Variants in STARD7 observed in about 807,000 individuals in gnomAD.
The protein encoded by STARD7 is stAR-related lipid transfer protein 7, mitochondrial.
A neutral mutation model predicts 45.3 loss-of-function variants in STARD7; 30 were observed. That is an observed-to-expected ratio of 0.66 (90% CI 0.50 to 0.90). The LOEUF (loss-of-function observed/expected upper bound fraction) is 0.90. STARD7 is among the 40% of genes least tolerant of loss of function. The probability of loss-of-function intolerance (pLI) is 0.00; values close to 1 mark genes in which losing one functional copy is unlikely to be tolerated. For synonymous variants in STARD7, 199 were observed against 183.0 expected, an observed-to-expected ratio of 1.09 and a Z score of -0.70; for missense variants, 495 against 491.3, an observed-to-expected ratio of 1.01 and a Z score of -0.07.
intron 1 of STARD7, among the ~76,000 whole-genome samples, chr2:96,202,564 C>T (rs921942599): frequency 6.6e-6 from 1 of 152,172 alleles, no homozygotes; most frequent in Non-Finnish European, 1.5e-5. Context: ...AATCAGGCAC[C>T]ATAGGGCATC....
Sources: allele counts gnomAD v4.1 joint callset (sites outside exome capture counted in the v4.1 genomes callset), GRCh38; gene constraint gnomAD v4.1.1; transcripts MANE v1.5; gene names NCBI Gene and HGNC (gene_info 2026-07-23, HGNC 2026-07-21).